The following COL23A1 variants were observed in gnomAD, a reference collection of about 807,000 sequenced individuals.
The protein encoded by COL23A1 is collagen alpha-1(XXIII) chain.
A neutral mutation model predicts 99.3 loss-of-function variants in COL23A1; 97 were observed. The observed-to-expected ratio is 0.98, with a 90% CI of 0.83 to 1.16. The LOEUF is 1.16. COL23A1 is among the 50% of genes most tolerant of loss of function. The probability of loss-of-function intolerance (pLI) is 0.00; values close to 1 mark genes in which losing one functional copy is unlikely to be tolerated. For missense variants in COL23A1, 762 were observed against 757.4 expected, an observed-to-expected ratio of 1.01 and a Z score of -0.07; for synonymous variants, 320 against 308.2, an observed-to-expected ratio of 1.04 and a Z score of -0.40.
At chr5:178,270,661 A>G (rs2127564078) in intron 5 of COL23A1, among the ~76,000 whole-genome samples, 1 of 152,312 alleles carries the variant, frequency 6.6e-6, no homozygotes, top group South Asian at 2.1e-4. Flanking sequence ...TCCCTCCGCC[A>G]GGGTGACGGG....
chr5:178,518,227 C>T (rs938686259), intron 2 of COL23A1, among the ~76,000 whole-genome samples: 5 of 144,686 alleles, frequency 3.5e-5, no homozygotes, highest in African/African-American at 5.3e-5. Flanking sequence ...GGTCACAGAT[C>T]AACAGGATCC....
chr5:178,489,501 A>G (rs1996223), intron 2 of COL23A1, among the ~76,000 whole-genome samples: 58,986 of 152,176 alleles, frequency 0.39, 13,439 homozygotes, highest in Admixed American at 0.52. Context: ...ATTCTTCCCA[A>G]TAAATTCTCT....
chr5:178,333,178 G>C (rs1760129686), intron 2 of COL23A1, among the ~76,000 whole-genome samples: 2 of 152,160 alleles, frequency 1.3e-5, no homozygotes, highest in South Asian at 2.1e-4. Flanking sequence ...GGCTGGGCTT[G>C]AACTCCTGAC....
At chr5:178,320,439 C>T (rs1343209252) in intron 2 of COL23A1, among the ~76,000 whole-genome samples, 4 of 152,210 alleles carry the variant, frequency 2.6e-5, no homozygotes, top group Non-Finnish European at 5.9e-5. Flanking sequence ...GCCCTGCGTC[C>T]CCTCACCTCA....
chr5:178,272,079 G>A (rs906453446), intron 5 of COL23A1, among the ~76,000 whole-genome samples: 13 of 152,230 alleles, frequency 8.5e-5, no homozygotes, highest in African/African-American at 2.9e-4. Flanking sequence ...ACCCCTGTCC[G>A]TCCCGAGCTC....
intron 2 of COL23A1, among the ~76,000 whole-genome samples, chr5:178,414,513 T>TA (rs1263011704): frequency 6.6e-6 from 1 of 152,156 alleles, no homozygotes; most frequent in Admixed American, 6.5e-5. Flanking sequence ...GGCTCACGCC[T>TA]GTGATCCCAG....
At chr5:178,273,654 C>G (rs10042940) in intron 5 of COL23A1, among the ~76,000 whole-genome samples, 58,304 of 152,116 alleles carry the variant, frequency 0.38, 12,722 homozygotes, top group East Asian at 0.65. Flanking sequence ...AAAACTGACA[C>G]AGCAGACGGG....
At chr5:178,452,618 G>A (rs534251969) in intron 2 of COL23A1, among the ~76,000 whole-genome samples, 1 of 152,286 alleles carries the variant, frequency 6.6e-6, no homozygotes, top group South Asian at 2.1e-4. Context: ...AATACATAAG[G>A]AGTGCCGACA....
rs983054278 is a variant in COL23A1, at chr5:178,366,970, G to C, written c.362-60051C>G. Among the ~76,000 whole-genome samples, 2 of 152,158 alleles carry C rather than the reference G, an allele frequency of 1.3e-5. No individual in the cohort carries two copies. Among genetic ancestry groups the C allele is most frequent in the South Asian group, 2.1e-4 (1 of 4,828 alleles). On this transcript the variant is annotated intron_variant, in intron 2 of 28. Transcript: ENST00000390654. This position sits in a 1 kb window ranked among gnomAD's most constrained non-coding sequence, Gnocchi z 4.4. The stretch of plus-strand genomic sequence containing the variant: ...CCTCTGCATTCCAGGTGTCTCCTAC[G>C]GACCTGGAATGGGGTGGTCATTTGG...
intron 2 of COL23A1, among the ~76,000 whole-genome samples, chr5:178,494,320 G>A (rs1204762500): frequency 6.6e-6 from 1 of 152,236 alleles, no homozygotes; most frequent in Non-Finnish European, 1.5e-5. Flanking sequence ...GAGATGGGAA[G>A]GTGAGCAGAG....
intron 2 of COL23A1, among the ~76,000 whole-genome samples, chr5:178,481,404 T>A (rs1757331458): frequency 6.6e-6 from 1 of 152,082 alleles, no homozygotes; most frequent in Admixed American, 6.6e-5. Flanking sequence ...AACTTTTGTG[T>A]ATCAAAGGAC....
At chr5:178,583,527 G>A (rs4441888) in intron 1 of COL23A1, among the ~76,000 whole-genome samples, 14,931 of 152,218 alleles carry the variant, frequency 0.098, 1,067 homozygotes, top group East Asian at 0.35. Context: ...CTCGCCCATC[G>A]AGAGGCTGCC....
intron 2 of COL23A1, among the ~76,000 whole-genome samples, chr5:178,376,517 A>G (rs1763080123): frequency 6.6e-6 from 1 of 152,242 alleles, no homozygotes; most frequent in South Asian, 2.1e-4. Context: ...TCTTCTAGAC[A>G]AAGGGCAGCA....
chr5:178,330,301 T>C (rs1170088514), intron 2 of COL23A1, among the ~76,000 whole-genome samples: 3 of 152,224 alleles, frequency 2.0e-5, no homozygotes, highest in Non-Finnish European at 4.4e-5. Flanking sequence ...AGCAACCCTG[T>C]GTGGTGTTAC....
chr5:178,541,845 T>C (rs745585719), intron 2 of COL23A1, among the ~76,000 whole-genome samples: 8 of 152,138 alleles, frequency 5.3e-5, no homozygotes, highest in Non-Finnish European at 1.0e-4. Context: ...CCATACCACG[T>C]GCTTCTATAT....
intron 2 of COL23A1, among the ~76,000 whole-genome samples, chr5:178,481,467 A>G (rs1462792162): frequency 6.6e-6 from 1 of 152,194 alleles, no homozygotes; most frequent in Non-Finnish European, 1.5e-5. Flanking sequence ...CATATATCTG[A>G]TAAGTGATTA....
chr5:178,311,511 T>C (rs56892515), intron 2 of COL23A1, among the ~76,000 whole-genome samples: 1,925 of 54,222 alleles, frequency 0.036, 42 homozygotes, highest in African/African-American at 0.093. Flanking sequence ...TGTGTGCGCG[T>C]GTGTGTGTGT....
chr5:178,580,213 A>G (rs1581676995), intron 1 of COL23A1, among the ~76,000 whole-genome samples: 1 of 152,142 alleles, frequency 6.6e-6, no homozygotes, highest in East Asian at 1.9e-4. Flanking sequence ...CTGTAATCCC[A>G]GCTACTCCAG....
At chr5:178,479,564 GA>G (rs1460502086) in intron 2 of COL23A1, among the ~76,000 whole-genome samples, 1 of 152,230 alleles carries the variant, frequency 6.6e-6, no homozygotes, top group Non-Finnish European at 1.5e-5. Flanking sequence ...CCGTTCCCAG[GA>G]AGTGGCCAGA....
Sources: allele counts gnomAD v4.1 joint callset (sites outside exome capture counted in the v4.1 genomes callset), GRCh38; gene constraint gnomAD v4.1.1; non-coding constraint Gnocchi (gnomAD v3.1); transcripts MANE v1.5; gene names NCBI Gene and HGNC (gene_info 2026-07-23, HGNC 2026-07-21).